Variants in GRM7 observed in about 807,000 individuals in gnomAD.
GRM7 encodes the protein metabotropic glutamate receptor 7.
In GRM7, 35 loss-of-function variants were observed where a neutral mutation model predicts 84.5. That is an observed-to-expected ratio of 0.41 (90% CI 0.32 to 0.55). The LOEUF (loss-of-function observed/expected upper bound fraction) is 0.55. Ranked by LOEUF, GRM7 falls within the 20% of genes least tolerant of loss-of-function variation. The probability of loss-of-function intolerance (pLI) is 0.19; values close to 1 mark genes in which losing one functional copy is unlikely to be tolerated. For synonymous variants in GRM7, 487 were observed against 455.1 expected, an observed-to-expected ratio of 1.07 and a Z score of -0.89; for missense variants, 1,003 against 1,194.6, an observed-to-expected ratio of 0.84 and a Z score of 2.36.
intron 8 of GRM7, among the ~76,000 whole-genome samples, chr3:7,615,695 A>C (rs1397574095): frequency 6.6e-6 from 1 of 152,104 alleles, no homozygotes; most frequent in Non-Finnish European, 1.5e-5. Context: ...AAGGTTTTCC[A>C]GAATAAGCAG....
intron 7 of GRM7, among the ~76,000 whole-genome samples, chr3:7,541,735 T>A (rs1382991746): frequency 6.6e-6 from 1 of 152,224 alleles, no homozygotes; most frequent in East Asian, 1.9e-4. Flanking sequence ...TTGCCTTCAA[T>A]CACTTAGAAT....
chr3:7,205,196 A>G, intron 2 of GRM7, among the ~76,000 whole-genome samples: 1 of 152,188 alleles, frequency 6.6e-6, no homozygotes. Flanking sequence ...GTTAACAGCA[A>G]TGTTCATATG....
chr3:7,578,071 A>C (rs1347244602), intron 7 of GRM7, among the ~76,000 whole-genome samples: 1 of 152,174 alleles, frequency 6.6e-6, no homozygotes, highest in Non-Finnish European at 1.5e-5. Context: ...AGTTTTTCTC[A>C]AGTTATCTGC....
chr3:7,336,091 C>CA (rs200897454), intron 4 of GRM7, among the ~76,000 whole-genome samples: 52 of 148,904 alleles, frequency 3.5e-4, no homozygotes, highest in South Asian at 6.4e-4. Flanking sequence ...AAGAACGTAA[C>CA]AAAAAAAAAC....
chr3:7,171,775 T>A (rs1694991691), intron 2 of GRM7, among the ~76,000 whole-genome samples: 1 of 152,078 alleles, frequency 6.6e-6, no homozygotes, highest in South Asian at 2.1e-4. Context: ...ATTTAGAAAA[T>A]GAGAACACCA....
chr3:7,418,920 G>T (rs996900009), intron 5 of GRM7, among the ~76,000 whole-genome samples: 12 of 152,128 alleles, frequency 7.9e-5, no homozygotes, highest in African/African-American at 2.9e-4. Flanking sequence ...TCTTATTTTT[G>T]AAGTGAGAAT....
intron 4 of GRM7, among the ~76,000 whole-genome samples, chr3:7,343,562 T>A (rs900121917): frequency 6.6e-6 from 1 of 151,984 alleles, no homozygotes; most frequent in African/African-American, 2.4e-5. Flanking sequence ...TTGATTTTTT[T>A]ATTAAATTAA....
intron 1 of GRM7, among the ~76,000 whole-genome samples, chr3:7,042,037 G>A (rs995700260): frequency 2.0e-5 from 3 of 152,142 alleles, no homozygotes; most frequent in African/African-American, 7.2e-5. Context: ...GAAAGAACAT[G>A]GAAGCTTCCC....
chr3:7,096,685 A>T (rs1698872834), intron 1 of GRM7, among the ~76,000 whole-genome samples: 1 of 152,138 alleles, frequency 6.6e-6, no homozygotes. Flanking sequence ...AGGAGGTCAG[A>T]ATGGCTCAAA....
intron 4 of GRM7, among the ~76,000 whole-genome samples, chr3:7,401,892 A>G (rs531726291): frequency 6.6e-6 from 1 of 152,268 alleles, no homozygotes; most frequent in Non-Finnish European, 1.5e-5. Flanking sequence ...AAACACTGGG[A>G]TTTGCCTAAG....
At position 7,156,836 on chromosome 3, in the gene GRM7, G is replaced by A. The variant is rs117388193; in HGVS notation, c.736+10168G>A. Among the ~76,000 whole-genome samples, 21 of 151,798 alleles carry A rather than the reference G, an allele frequency of 1.4e-4. No homozygotes were observed. The East Asian group carries it at 3.7e-3, about 27-fold the overall frequency. On this transcript the variant is annotated intron_variant, in intron 2 of 9. Coordinates refer to ENST00000357716, the MANE Select transcript of GRM7 (RefSeq NM_000844.4). ...ATCAACGTGAATTTTTTTCATTGTT[G>A]TTTTCACTTGTTTATTTAGTCTTCA... is the stretch of plus-strand genomic sequence containing the variant.
intron 8 of GRM7, among the ~76,000 whole-genome samples, chr3:7,597,940 C>T (rs1396808309): frequency 6.6e-6 from 1 of 152,100 alleles, no homozygotes; most frequent in East Asian, 1.9e-4. Flanking sequence ...GTTTTCTCTC[C>T]TCATCCTACT....
At chr3:7,417,383 TC>T (rs1272985379) in intron 5 of GRM7, among the ~76,000 whole-genome samples, 2 of 152,172 alleles carry the variant, frequency 1.3e-5, no homozygotes, top group African/African-American at 4.8e-5. Flanking sequence ...GTTTTCCTTG[TC>T]CTTCCTTTTT....
intron 4 of GRM7, among the ~76,000 whole-genome samples, chr3:7,357,833 G>A (rs1693478526): frequency 6.6e-6 from 1 of 151,968 alleles, no homozygotes; most frequent in Non-Finnish European, 1.5e-5. Context: ...ATCAAAAGTG[G>A]GAAATGGAAA....
chr3:7,477,390 C>T (rs1698964619), intron 7 of GRM7, among the ~76,000 whole-genome samples: 1 of 152,112 alleles, frequency 6.6e-6, no homozygotes, highest in African/African-American at 2.4e-5. Context: ...CTCTCTCACC[C>T]TTCCCAACTC....
At chr3:7,688,511 T>G (rs58965247) in intron 9 of GRM7, among the ~76,000 whole-genome samples, 3,429 of 152,294 alleles carry the variant, frequency 0.023, 109 homozygotes, top group African/African-American at 0.066. Flanking sequence ...ACATTAATGA[T>G]AAACATTTTG....
At position 7,637,190 on chromosome 3, in the gene GRM7, C is replaced by G. The variant is rs575022085; in HGVS notation, c.2452-42859C>G. Among the ~76,000 whole-genome samples, 9 of 152,258 alleles carry G rather than the reference C, an allele frequency of 5.9e-5. No individual in the cohort carries two copies. The East Asian group carries it at 1.7e-3, about 29-fold the overall frequency. On this transcript the variant is annotated intron_variant, in intron 8 of 9. Transcript: ENST00000357716. The stretch of plus-strand genomic sequence containing the variant: ...ACAAAGTCTCATACTGACACCCAGG[C>G]TACAGTGCAGTGGCACAATCATAGC...
chr3:7,041,060 A>G (rs62236613), intron 1 of GRM7, among the ~76,000 whole-genome samples: 28,915 of 148,924 alleles, frequency 0.19, 2,864 homozygotes, highest in East Asian at 0.28. Context: ...AGCCTGGGTG[A>G]CAGAGTGAGA....
chr3:6,885,876 A>G (rs1163923435), intron 1 of GRM7, among the ~76,000 whole-genome samples: 3 of 152,242 alleles, frequency 2.0e-5, no homozygotes, highest in Admixed American at 2.0e-4. Flanking sequence ...GAAGGTCTCC[A>G]GTCTATTAAG....
Sources: allele counts gnomAD v4.1 joint callset (sites outside exome capture counted in the v4.1 genomes callset), GRCh38; gene constraint gnomAD v4.1.1; transcripts MANE v1.5; gene names NCBI Gene and HGNC (gene_info 2026-07-23, HGNC 2026-07-21).